FIP1L1: variants seen among roughly 807,000 people sequenced by gnomAD.
The protein encoded by FIP1L1 is factor interacting with PAPOLA and CPSF1, also known as pre-mRNA 3'-end-processing factor FIP1.
In FIP1L1, 21 loss-of-function variants were observed where a neutral mutation model predicts 84.6. The observed-to-expected ratio is 0.25, with a 90% CI of 0.18 to 0.36. FIP1L1 has a LOEUF of 0.36. Ranked by LOEUF, FIP1L1 falls within the 10% of genes least tolerant of loss-of-function variation. The pLI, the probability that FIP1L1 is intolerant of heterozygous loss-of-function variation, is 1.00. For missense variants in FIP1L1, 526 were observed against 751.1 expected (o/e 0.70, Z 3.50); for synonymous variants, 263 against 242.3 (o/e 1.09, Z -0.80).
intron 9 of FIP1L1, among the ~76,000 whole-genome samples, chr4:53,398,394 A>G (rs1449073247): frequency 6.6e-6 from 1 of 152,244 alleles, no homozygotes; most frequent in Non-Finnish European, 1.5e-5. Context: ...TGGGTTGGAC[A>G]CTATTAATAA....
At position 53,377,736 on chromosome 4, in the gene FIP1L1, CGT is replaced by C. The variant is rs1735313376; in HGVS notation, c.-102_-101del. 12 of 1,090,762 alleles carry C rather than the reference CGT, an allele frequency of 1.1e-5. No homozygotes were observed. In the East Asian group the frequency reaches 1.1e-4, roughly 10 times the overall value. 67.6% of individuals were successfully genotyped at this position (1,090,762 alleles called of 1,614,324 possible). On this transcript the variant is annotated 5_prime_UTR_variant, in exon 1 of 18. It introduces an in-frame stop codon into an upstream open reading frame of the 5' UTR. Coordinates refer to ENST00000337488, the MANE Select transcript of FIP1L1 (RefSeq NM_030917.4). ...GAGTCTCGAGCTTTCTTCGTTCGTT[CGT>C]CGGCGGGTTCGCGCCCTTCTCGCGC... is the stretch of plus-strand genomic sequence containing the variant.
chr4:53,446,493 C>CT (rs1774248915), intron 15 of FIP1L1, among the ~76,000 whole-genome samples: 1 of 152,308 alleles, frequency 6.6e-6, no homozygotes, highest in Non-Finnish European at 1.5e-5. Flanking sequence ...AGCATAGGCC[C>CT]TGCAGTTAGA....
chr4:53,426,748 T>C (rs1764518789), intron 12 of FIP1L1, among the ~76,000 whole-genome samples: 1 of 152,154 alleles, frequency 6.6e-6, no homozygotes, highest in Admixed American at 6.6e-5. Context: ...GATTAAAATA[T>C]CTTCATGATA....
At chr4:53,419,113 ATATGGAAGGTAGAGCTT>A (rs1761073097) in intron 11 of FIP1L1, among the ~76,000 whole-genome samples, 1 of 152,206 alleles carries the variant, frequency 6.6e-6, no homozygotes, top group South Asian at 2.1e-4. Flanking sequence ...TTAAGCATAA[ATATGGAAGGTAGAGCTT>A]TATTCCAAGC....
intron 8 of FIP1L1, 46 bp downstream of exon 8, chr4:53,391,185 C>T: frequency 1.9e-6 from 3 of 1,552,138 alleles, no homozygotes; most frequent in Non-Finnish European, 1.7e-6. Flanking sequence ...TCTACCGTCC[C>T]ACTTTTACTC....
chr4:53,442,003 T>C (rs1183298485), intron 13 of FIP1L1, among the ~76,000 whole-genome samples: 1 of 151,742 alleles, frequency 6.6e-6, no homozygotes, highest in Non-Finnish European at 1.5e-5. Flanking sequence ...CATATTATTC[T>C]GTGGTATTCC....
At chr4:53,378,642 A>T (rs1736067323) in intron 1 of FIP1L1, 1 of 160,898 alleles carries the variant, frequency 6.2e-6, no homozygotes. Flanking sequence ...TTCTCAAAAT[A>T]AATTTAATGC....
intron 15 of FIP1L1, among the ~76,000 whole-genome samples, chr4:53,448,288 T>C (rs996418957): frequency 6.6e-6 from 1 of 152,116 alleles, no homozygotes; most frequent in Non-Finnish European, 1.5e-5. Context: ...TACATATCTA[T>C]GTGTATGAAT....
At chr4:53,405,191 T>A (rs1291480071) in intron 10 of FIP1L1, among the ~76,000 whole-genome samples, 1 of 152,128 alleles carries the variant, frequency 6.6e-6, no homozygotes, top group Non-Finnish European at 1.5e-5. Flanking sequence ...TTGTATAAGG[T>A]GTAAGGAAGG....
chr4:53,385,577 A>G (rs1331225056), intron 5 of FIP1L1, among the ~76,000 whole-genome samples: 4 of 152,150 alleles, frequency 2.6e-5, no homozygotes, highest in African/African-American at 7.2e-5. Flanking sequence ...TTAAGTGTGC[A>G]GTAAATGGTT....
chr4:53,424,159 G>A (rs758474226), intron 11 of FIP1L1, among the ~76,000 whole-genome samples: 2 of 151,994 alleles, frequency 1.3e-5, no homozygotes, highest in Non-Finnish European at 2.9e-5. Flanking sequence ...GAAATAGAGC[G>A]AAAATAAAAA....
At chr4:53,451,870 A>G (rs1398869542) in intron 15 of FIP1L1, among the ~76,000 whole-genome samples, 5 of 148,384 alleles carry the variant, frequency 3.4e-5, no homozygotes, top group African/African-American at 5.0e-5. Context: ...CTTTTTCTCT[A>G]TCTGATAGAC....
intron 1 of FIP1L1, 28 bp from the exon 2 acceptor site, chr4:53,379,045 G>A: frequency 6.2e-7 from 1 of 1,607,446 alleles, no homozygotes; most frequent in Non-Finnish European, 8.5e-7. Context: ...GTAATTATAA[G>A]GTGATCTAAC....
chr4:53,390,165 T>G (rs1743439943), intron 6 of FIP1L1, among the ~76,000 whole-genome samples: 1 of 152,110 alleles, frequency 6.6e-6, no homozygotes, highest in Non-Finnish European at 1.5e-5. Flanking sequence ...CTCTTGAACT[T>G]TCGAGCTTAA....
At position 53,416,558 on chromosome 4, in the gene FIP1L1, T is replaced by G. The variant is rs1759591699; in HGVS notation, c.923+1836T>G. Among the ~76,000 whole-genome samples, 3 of 152,324 alleles carry G rather than the reference T, an allele frequency of 2.0e-5. No homozygotes were observed. In the South Asian group the frequency reaches 6.2e-4, roughly 32 times the overall value. On this transcript the variant is annotated intron_variant, in intron 11 of 17. Transcript: ENST00000337488. Reference sequence around the variant, plus strand: ...TTAGAGATTTGAGAAATCAGAGAATTTGCCCAAATTCACAGCTAGTTAAGA... The same window carrying G: ...TTAGAGATTTGAGAAATCAGAGAATGTGCCCAAATTCACAGCTAGTTAAGA...
At chr4:53,395,919 A>ATTT (rs11400535) in intron 9 of FIP1L1, among the ~76,000 whole-genome samples, 41 of 147,866 alleles carry the variant, frequency 2.8e-4, no homozygotes, top group African/African-American at 7.7e-4. Context: ...GTATTTTATG[A>ATTT]TTTTTTTTTT....
chr4:53,402,774 G>C (rs1033885470), intron 10 of FIP1L1, among the ~76,000 whole-genome samples: 4 of 152,240 alleles, frequency 2.6e-5, no homozygotes, highest in Non-Finnish European at 5.9e-5. Flanking sequence ...GGTGGTGTAA[G>C]ACAGGGAAGT....
intron 5 of FIP1L1, among the ~76,000 whole-genome samples, chr4:53,388,850 C>G (rs1465148973): frequency 6.6e-6 from 1 of 152,108 alleles, no homozygotes; most frequent in Admixed American, 6.5e-5. Flanking sequence ...AGTAAAAATG[C>G]AATGAATTAT....
At chr4:53,422,802 T>C (rs939825592) in intron 11 of FIP1L1, among the ~76,000 whole-genome samples, 1 of 151,948 alleles carries the variant, frequency 6.6e-6, no homozygotes, top group Non-Finnish European at 1.5e-5. Context: ...GCATCCTTCA[T>C]CTCCTGGACT....
Sources: gnomAD v4.1 joint callset for allele counts (sites outside exome capture counted in the v4.1 genomes callset) on GRCh38, gnomAD v4.1.1 for gene constraint, MANE v1.5 for transcripts, NCBI Gene and HGNC (gene_info 2026-07-23, HGNC 2026-07-21) for gene names.